TTC29: variants seen among roughly 807,000 people sequenced by gnomAD.
TTC29 encodes the protein tetratricopeptide repeat domain 29, also known as tetratricopeptide repeat protein 29.
A neutral mutation model predicts 58.1 loss-of-function variants in TTC29; 49 were observed. The observed-to-expected ratio is 0.84, with a 90% CI of 0.67 to 1.07. The LOEUF (loss-of-function observed/expected upper bound fraction) is 1.07, where lower values mean the gene tolerates loss of function less well. Ranked by LOEUF, TTC29 falls within the 50% of genes least tolerant of loss-of-function variation. TTC29 has a pLI of 0.00. For synonymous variants in TTC29, 209 were observed against 196.8 expected (o/e 1.06, Z -0.52); for missense variants, 582 against 555.6 (o/e 1.05, Z -0.48).
At chr4:146,803,791 C>T in intron 10 of TTC29, 106 bp from the exon 11 acceptor site, 5 of 804,616 alleles carry the variant, frequency 6.2e-6, no homozygotes, top group Non-Finnish European at 9.4e-6. Flanking sequence ...TCGACAGTTA[C>T]AGCAGTTCAT....
chr4:146,860,261 T>C (rs1351422705), intron 8 of TTC29, among the ~76,000 whole-genome samples: 1 of 152,166 alleles, frequency 6.6e-6, no homozygotes, highest in East Asian at 1.9e-4. Flanking sequence ...AGCAAATAAA[T>C]CATTGATAGA....
intron 8 of TTC29, among the ~76,000 whole-genome samples, chr4:146,840,221 GC>G (rs1424994443): frequency 6.7e-6 from 1 of 148,848 alleles, no homozygotes; most frequent in African/African-American, 2.5e-5. Flanking sequence ...AAGCTCTGCA[GC>G]TTTTTCACAA....
chr4:146,791,482 T>C (rs1749444341), intron 11 of TTC29, among the ~76,000 whole-genome samples: 1 of 152,172 alleles, frequency 6.6e-6, no homozygotes, highest in Admixed American at 6.5e-5. Context: ...CTGATAAATG[T>C]TGTGTGTGTT....
chr4:146,790,266 G>A (rs1188009891), intron 11 of TTC29, among the ~76,000 whole-genome samples: 1 of 150,284 alleles, frequency 6.7e-6, no homozygotes, highest in Non-Finnish European at 1.5e-5. Flanking sequence ...TCGGCTCTCT[G>A]CAAGCTCTGC....
At chr4:146,814,329 C>T (rs142694093) in intron 10 of TTC29, among the ~76,000 whole-genome samples, 1 of 151,672 alleles carries the variant, frequency 6.6e-6, no homozygotes, top group African/African-American at 2.4e-5. Flanking sequence ...GCCTGTAATC[C>T]GCAGCACTCT....
chr4:146,791,270 GTCTATCAACACAATTT>G (rs1218030683), intron 11 of TTC29, among the ~76,000 whole-genome samples: 1 of 152,158 alleles, frequency 6.6e-6, no homozygotes, highest in African/African-American at 2.4e-5. Context: ...CTTTAAGCAA[GTCTATCAACACAATTT>G]TTCCAATAGC....
At chr4:146,727,371 A>C (rs1387028460) in intron 11 of TTC29, among the ~76,000 whole-genome samples, 1 of 152,138 alleles carries the variant, frequency 6.6e-6, no homozygotes, top group African/African-American at 2.4e-5. Context: ...CAAAGTCCGT[A>C]ATTTACATTA....
intron 11 of TTC29, among the ~76,000 whole-genome samples, chr4:146,803,129 T>G (rs1750348926): frequency 6.6e-6 from 1 of 152,100 alleles, no homozygotes; most frequent in Non-Finnish European, 1.5e-5. Flanking sequence ...ACATGGCGCA[T>G]GCTAAAAAAG....
chr4:146,773,923 C>T (rs1202529475), intron 11 of TTC29, among the ~76,000 whole-genome samples: 3 of 151,724 alleles, frequency 2.0e-5, no homozygotes, highest in Non-Finnish European at 4.4e-5. Context: ...GTTTTAGAAC[C>T]TCTGATTTGT....
At chr4:146,728,860 C>CACATATATATGTATATATACAT (rs1561066862) in intron 11 of TTC29, among the ~76,000 whole-genome samples, 4 of 62,026 alleles carry the variant, frequency 6.4e-5, no homozygotes, top group Admixed American at 2.1e-4. Flanking sequence ...TATATATACA[C>CACATATATATGTATATATACAT]ATATATATGT....
At chr4:146,765,649 T>C (rs1001910350) in intron 11 of TTC29, among the ~76,000 whole-genome samples, 1 of 152,210 alleles carries the variant, frequency 6.6e-6, no homozygotes, top group Non-Finnish European at 1.5e-5. Flanking sequence ...AAGGTATTTC[T>C]TGTTTCTACT....
Position 146,719,189 on chromosome 4 carries a change from GGTGTGT to G in TTC29, c.1331-11644_1331-11639del, listed in dbSNP as rs60552473. Among the ~76,000 whole-genome samples the G allele has an allele frequency of 6.8e-3, 986 of 144,182 alleles. 13 individuals are homozygous for G. The highest frequency in any genetic ancestry group is 0.023 in the African/African-American group (886 of 38,788). The allele number at this position is 144,182 out of a possible 152,430, so 94.6% of individuals were successfully genotyped here. A position where few individuals can be genotyped will look rare whatever the true frequency, so the allele number is the denominator to read the frequency against. ...TGCTCATCATTGCCTTGGCTATTGG[GGTGTGT>G]GTGTGTGTGTGTGTGTGTGTGTGTG... On this transcript the variant is annotated intron_variant, in intron 11 of 12. Transcript: ENST00000325106.
intron 8 of TTC29, among the ~76,000 whole-genome samples, chr4:146,845,601 G>A (rs1729111411): frequency 1.3e-5 from 2 of 152,272 alleles, no homozygotes; most frequent in East Asian, 3.9e-4. Context: ...TGACCAAACA[G>A]GTATTGTCAC....
chr4:146,834,248 T>C (rs1728362976), intron 8 of TTC29, among the ~76,000 whole-genome samples: 1 of 152,190 alleles, frequency 6.6e-6, no homozygotes, highest in Non-Finnish European at 1.5e-5. Context: ...TAAGGCAGAT[T>C]ATAATATTCT....
intron 4 of TTC29, among the ~76,000 whole-genome samples, chr4:146,929,046 G>A (rs1735134495): frequency 6.6e-6 from 1 of 151,928 alleles, no homozygotes; most frequent in Non-Finnish European, 1.5e-5. Context: ...TAAGAGTTTT[G>A]GAAGATACTC....
intron 11 of TTC29, among the ~76,000 whole-genome samples, chr4:146,797,254 A>G (rs1322512948): frequency 6.6e-6 from 1 of 152,216 alleles, no homozygotes; most frequent in Non-Finnish European, 1.5e-5. Context: ...AAACCCTACA[A>G]TGCGTTATTA....
chr4:146,856,827 A>G (rs1729890806), intron 8 of TTC29, among the ~76,000 whole-genome samples: 1 of 151,644 alleles, frequency 6.6e-6, no homozygotes. Context: ...TGTGATCTTT[A>G]CTACAGAAAC....
At chr4:146,707,407 G>T in intron 12 of TTC29, 78 bp downstream of exon 12, 4 of 1,065,588 alleles carry the variant, frequency 3.8e-6, no homozygotes, top group Admixed American at 2.2e-5. Flanking sequence ...CTCTTTTTGT[G>T]TTTGGAGAAT....
intron 3 of TTC29, among the ~76,000 whole-genome samples, chr4:146,938,461 T>C (rs1210499232): frequency 6.6e-6 from 1 of 152,194 alleles, no homozygotes; most frequent in African/African-American, 2.4e-5. Flanking sequence ...GATTTGGCTA[T>C]GCTTTTGCTC....
Sources: gnomAD v4.1 joint callset for allele counts (sites outside exome capture counted in the v4.1 genomes callset) on GRCh38, gnomAD v4.1.1 for gene constraint, MANE v1.5 for transcripts, NCBI Gene and HGNC (gene_info 2026-07-23, HGNC 2026-07-21) for gene names.